The following PMEL variants were observed in gnomAD, a reference collection of about 807,000 sequenced individuals.
PMEL encodes premelanosome protein.
Under a neutral mutation model 64.9 loss-of-function variants are expected in PMEL, and 53 were observed. The ratio of observed to expected loss-of-function variants is 0.82; its 90% CI spans 0.66 to 1.03. The LOEUF (loss-of-function observed/expected upper bound fraction) is 1.03. Ranked by LOEUF, PMEL falls within the 50% of genes least tolerant of loss-of-function variation. PMEL has a pLI of 0.00. For synonymous variants in PMEL, 299 were observed against 316.2 expected, an observed-to-expected ratio of 0.95 and a Z score of 0.58; for missense variants, 716 against 814.9, an observed-to-expected ratio of 0.88 and a Z score of 1.48.
rs747647714 is a variant in PMEL at position 55,958,519 on chromosome 12, G to A, written c.423C>T (p.Gly141=). The A allele has an allele frequency of 6.2e-7, 1 of 1,614,154 alleles. No individual in the cohort carries two copies. The highest frequency in any genetic ancestry group is 1.1e-5 in the South Asian group (1 of 91,080). The change falls in exon 4 of 11, where the codon GGC becomes GGT. Residue 141 remains glycine, a synonymous_variant. Transcript: ENST00000548747. The part of the protein sequence containing the change: ...IFPDGGPCPS[G]SWSQKRSFVY... ...CAAAGCTTCTCTTCTGAGACCAAGA[G>A]CCAGATGGGCAAGGTCCACCATCAG...
intron 10 of PMEL, among the ~76,000 whole-genome samples, 187 bp downstream of exon 10, chr12:55,955,087 G>A (rs956125817): frequency 6.6e-5 from 10 of 152,176 alleles, no homozygotes; most frequent in African/African-American, 2.4e-4. Flanking sequence ...GGCTTAGACA[G>A]GTTAAGCTAC....
Position 55,955,495 on chromosome 12 carries a change from C to T in PMEL, c.1731G>A (p.Leu577=). 2.5e-6 allele frequency: 4 copies of T among 1,614,152 alleles called. No individual in the cohort carries two copies. Among genetic ancestry groups the T allele is most frequent in the South Asian group, 2.2e-5 (2 of 91,086 alleles). Residue 577 remains leucine (L), a synonymous_variant, in exon 9 of 11, where the codon CTG becomes CTA. Transcript: ENST00000548747. ...TGATAAGCTGGGTGCTGACCACTGC[C>T]AGGCTGTTGGTATCAGCCAGAGACA... ...LNVSLADTNS[L]AVVSTQLIMP... is the part of the protein sequence containing the mutation.
chr12:55,954,690 G>A lies in PMEL; in HGVS notation c.1851-341C>T, dbSNP rs1888780985. Among the ~76,000 whole-genome samples, 4 of 152,304 alleles carry A rather than the reference G, an allele frequency of 2.6e-5. No individual in the cohort carries two copies. The South Asian group carries it at 8.3e-4, about 32-fold the overall frequency. On this transcript the variant is annotated intron_variant, in intron 10 of 10. Transcript: ENST00000548747. ...GGAGGCCAAGGTAGGCAGATCACGA[G>A]GTCAGGAGTTTGAGACCAGCCTGGC...
intron 3 of PMEL, among the ~76,000 whole-genome samples, chr12:55,961,047 CA>C (rs1287292890): frequency 2.0e-5 from 3 of 149,818 alleles, no homozygotes; most frequent in East Asian, 2.0e-4. Context: ...ACTAAAAATA[CA>C]AAAAAAATTA....
intron 3 of PMEL, 189 bp from the exon 4 acceptor site, chr12:55,958,796 T>C: frequency 1.7e-6 from 1 of 585,410 alleles, no homozygotes; most frequent in Non-Finnish European, 3.0e-6. Flanking sequence ...ACATTTTTTT[T>C]TTAGAGACAG....
At chr12:55,966,444 A>T (rs1375162339), upstream of PMEL, 1 of 188,032 alleles carries the variant, frequency 5.3e-6, no homozygotes. Flanking sequence ...TTCCTTTGCA[A>T]CGAGATTCCC....
intron 3 of PMEL, among the ~76,000 whole-genome samples, chr12:55,959,401 A>G (rs1592770281): frequency 1.3e-5 from 2 of 151,224 alleles, no homozygotes; most frequent in South Asian, 4.2e-4. Context: ...AAATAAATAA[A>G]TAAATAAATA....
At chr12:55,954,437 C>A in intron 10 of PMEL, 88 bp from the exon 11 acceptor site, 1 of 1,389,192 alleles carries the variant, frequency 7.2e-7, no homozygotes, top group Non-Finnish European at 1.0e-6. Context: ...CACCCATATC[C>A]CAGTCTGCTT....
chr12:55,955,743 A>C, intron 8 of PMEL, 36 bp downstream of exon 8: 1 of 1,609,690 alleles, frequency 6.2e-7, no homozygotes, highest in Non-Finnish European at 8.5e-7. Flanking sequence ...GAAACAGTCA[A>C]CCAAAGAGTT....
intron 1 of PMEL, among the ~76,000 whole-genome samples, chr12:55,964,247 G>T (rs189059450): frequency 1.3e-5 from 2 of 149,698 alleles, no homozygotes; most frequent in Non-Finnish European, 3.0e-5. Flanking sequence ...TACAACCTCC[G>T]CCTCCCGGGT....
Position 55,955,592 on chromosome 12 carries a change from A to G in PMEL, c.1634T>C (p.Leu545Pro). Residue 545 changes from leucine to proline, a missense_variant, in exon 9 of 11, where the codon CTA becomes CCA. Coordinates refer to ENST00000548747, the MANE Select transcript of PMEL (RefSeq NM_001384361.1). ...AACCAGCTGGCAGGCTGGGCTGGGTAGCACAGGCTGGCACAGCCGCTGGGC... is the reference window on the plus strand; with the variant it reads ...AACCAGCTGGCAGGCTGGGCTGGGTGGCACAGGCTGGCACAGCCGCTGGGC... Reference protein sequence around the residue: ...PPAQRLCQPVLPSPACQLVLH... With the variant: ...PPAQRLCQPVPPSPACQLVLH... 6.2e-7 allele frequency: 1 copy of G among 1,614,016 alleles called. No individual in the cohort carries two copies. Among genetic ancestry groups the G allele is most frequent in the Non-Finnish European group, 8.5e-7 (1 of 1,179,998 alleles).
chr12:55,964,463 G>A (rs529447908), intron 1 of PMEL, among the ~76,000 whole-genome samples: 1 of 151,410 alleles, frequency 6.6e-6, no homozygotes, highest in Non-Finnish European at 1.5e-5. Context: ...CCTGGCCTAG[G>A]CCTGGCTAAT....
intron 8 of PMEL, 43 bp downstream of exon 8, chr12:55,955,736 A>G (rs984473922): frequency 1.7e-5 from 27 of 1,609,038 alleles, no homozygotes; most frequent in Non-Finnish European, 2.3e-5. Context: ...GAGCGGAGAA[A>G]CAGTCAACCA....
chr12:55,956,115 G>C lies in PMEL; in HGVS notation c.1459C>G (p.Leu487Val), dbSNP rs370824426. The C allele has an allele frequency of 1.6e-5, 25 of 1,610,570 alleles. No individual in the cohort carries two copies. The highest frequency in any genetic ancestry group is 2.2e-5 in the East Asian group (1 of 44,876). ...LYRYGSFSVT[L>V]DIVQGIESAE... ...AGGCAAGACTCACGGACAATGTCCA[G>C]GGTGACGGAAAAGGAACCATATCGA... is the stretch of plus-strand genomic sequence containing the variant. Residue 487 changes from leucine to valine, a missense_variant, in exon 7 of 11, where the codon CTG becomes GTG. Physicochemically the swap from Leu to Val is conservative, Grantham distance 32. Coordinates refer to ENST00000548747, the MANE Select transcript of PMEL (RefSeq NM_001384361.1).
Position 55,955,637 on chromosome 12 carries a change from G to A in PMEL, c.1589C>T (p.Ser530Leu), listed in dbSNP as rs750057934. ...LPKEACMEIS[S>L]PGCQPPAQRL... ...CTGGGCAGGGGGCTGGCACCCTGGCGATGAGATCTCCATGCAGGCTTCCTT... is the reference window on the plus strand; with the variant it reads ...CTGGGCAGGGGGCTGGCACCCTGGCAATGAGATCTCCATGCAGGCTTCCTT... The change falls in exon 9 of 11, where the codon TCG (serine) becomes TTG (leucine). Residue 530 changes from serine to leucine, a missense_variant. Coordinates refer to ENST00000548747, the MANE Select transcript of PMEL (RefSeq NM_001384361.1). The A allele has an allele frequency of 2.3e-5, 37 of 1,613,384 alleles. No individual in the cohort carries two copies. The East Asian group carries it at 2.5e-4, about 11-fold the overall frequency.
chr12:55,965,832 C>A (rs1889277806), intron 1 of PMEL, 104 bp downstream of exon 1: 2 of 1,360,684 alleles, frequency 1.5e-6, no homozygotes, highest in South Asian at 1.2e-5. Flanking sequence ...GAGTGGGAGA[C>A]GCCTGAAATA....
intron 2 of PMEL, 43 bp downstream of exon 2, chr12:55,961,579 C>T (rs1889103476): frequency 6.3e-7 from 1 of 1,592,934 alleles, no homozygotes; most frequent in South Asian, 1.1e-5. Flanking sequence ...TTTTCCTCAT[C>T]CCACTCCCAC....
chr12:55,957,886 G>A (rs1402994651), intron 5 of PMEL, 37 bp downstream of exon 5: 2 of 1,609,616 alleles, frequency 1.2e-6, no homozygotes, highest in Admixed American at 3.3e-5. Context: ...GCCTTCTCTT[G>A]CCCTACAACT....
intron 7 of PMEL, 82 bp from the exon 8 acceptor site, chr12:55,955,945 G>T (rs889760737): frequency 4.7e-6 from 6 of 1,268,838 alleles, no homozygotes; most frequent in Admixed American, 3.4e-5. Context: ...CCCCAGGGCT[G>T]CTCCACCAAT....
Sources: allele counts gnomAD v4.1 joint callset (sites outside exome capture counted in the v4.1 genomes callset), GRCh38; gene constraint gnomAD v4.1.1; transcripts MANE v1.5; gene names NCBI Gene and HGNC (gene_info 2026-07-23, HGNC 2026-07-21).